The following KCNH5 variants were observed in gnomAD, a reference collection of about 807,000 sequenced individuals.
KCNH5 encodes potassium voltage-gated channel subfamily H member 5.
A neutral mutation model predicts 96.1 loss-of-function variants in KCNH5; 46 were observed. The ratio of observed to expected loss-of-function variants is 0.48; its 90% CI spans 0.38 to 0.61. KCNH5 has a LOEUF of 0.61. KCNH5 is among the 20% of genes least tolerant of loss of function. KCNH5 has a pLI of 0.00. For synonymous variants in KCNH5, 439 were observed against 449.8 expected (o/e 0.98, Z 0.30); for missense variants, 907 against 1,225.8 (o/e 0.74, Z 3.88).
chr14:62,793,199 T>G (rs1438490637), intron 9 of KCNH5, among the ~76,000 whole-genome samples: 2 of 151,752 alleles, frequency 1.3e-5, no homozygotes, highest in East Asian at 3.9e-4. Flanking sequence ...TTATGCTAGA[T>G]GAATTAAGTT....
intron 10 of KCNH5, among the ~76,000 whole-genome samples, chr14:62,747,021 G>A (rs1885390791): frequency 6.6e-6 from 1 of 152,232 alleles, no homozygotes; most frequent in African/African-American, 2.4e-5. Flanking sequence ...TTCAAATTTA[G>A]TTTGAGGCTG....
intron 6 of KCNH5, among the ~76,000 whole-genome samples, chr14:62,965,617 T>C (rs1045829731): frequency 6.6e-6 from 1 of 151,734 alleles, no homozygotes; most frequent in Non-Finnish European, 1.5e-5. Flanking sequence ...CTACACATAA[T>C]GGACTAAGAG....
chr14:62,922,501 G>C (rs1889398261), intron 7 of KCNH5, among the ~76,000 whole-genome samples: 1 of 151,912 alleles, frequency 6.6e-6, no homozygotes, highest in African/African-American at 2.4e-5. Flanking sequence ...CATGTTAAGT[G>C]TTGGTTGTAT....
chr14:62,751,663 G>T (rs1172251897), intron 10 of KCNH5, among the ~76,000 whole-genome samples: 1 of 152,214 alleles, frequency 6.6e-6, no homozygotes, highest in Admixed American at 6.5e-5. Flanking sequence ...AGCTTCCCTT[G>T]TTCAGGCCAA....
At chr14:62,827,339 T>C (rs1887247770) in intron 8 of KCNH5, among the ~76,000 whole-genome samples, 1 of 152,160 alleles carries the variant, frequency 6.6e-6, no homozygotes, top group Non-Finnish European at 1.5e-5. Flanking sequence ...TTGGTGCTTG[T>C]TAGAAACACA....
At chr14:63,021,618 T>C (rs1259661147) in intron 1 of KCNH5, among the ~76,000 whole-genome samples, 1 of 152,088 alleles carries the variant, frequency 6.6e-6, no homozygotes, top group Non-Finnish European at 1.5e-5. Context: ...ACAGAAGTTG[T>C]CTATTCTCAC....
chr14:62,846,805 TTTTTTTTTTTTTG>T (rs1487323331), intron 8 of KCNH5, among the ~76,000 whole-genome samples: 6 of 126,442 alleles, frequency 4.7e-5, no homozygotes, highest in African/African-American at 1.5e-4. Context: ...TTTTTTTTTT[TTTTTTTTTTTTTG>T]GAGACAGAGT....
chr14:62,727,100 T>C (rs1884943334), intron 10 of KCNH5, among the ~76,000 whole-genome samples: 1 of 152,094 alleles, frequency 6.6e-6, no homozygotes, highest in Non-Finnish European at 1.5e-5. Flanking sequence ...CAGAGTGGCT[T>C]GTGCCTATAA....
At chr14:62,981,690 G>A (rs1391169743) in intron 5 of KCNH5, among the ~76,000 whole-genome samples, 5 of 152,130 alleles carry the variant, frequency 3.3e-5, no homozygotes, top group Admixed American at 1.3e-4. Flanking sequence ...GCTGGACCCC[G>A]GCATCCCACT....
At chr14:62,739,507 C>T (rs1180596023) in intron 10 of KCNH5, among the ~76,000 whole-genome samples, 1 of 151,926 alleles carries the variant, frequency 6.6e-6, no homozygotes, top group Non-Finnish European at 1.5e-5. Flanking sequence ...ATTTTGAGGG[C>T]AATGCTACAG....
intron 7 of KCNH5, among the ~76,000 whole-genome samples, chr14:62,850,672 T>C (rs1887786243): frequency 6.6e-6 from 1 of 152,170 alleles, no homozygotes; most frequent in Admixed American, 6.6e-5. Context: ...CTATTAATGC[T>C]GACAGGATCC....
intron 6 of KCNH5, among the ~76,000 whole-genome samples, chr14:62,953,977 T>A (rs1003025029): frequency 6.6e-6 from 1 of 152,174 alleles, no homozygotes; most frequent in Non-Finnish European, 1.5e-5. Flanking sequence ...AATATTAATT[T>A]CCAAGTGTGA....
intron 6 of KCNH5, among the ~76,000 whole-genome samples, chr14:62,967,663 G>T (rs1390886545): frequency 6.6e-6 from 1 of 152,088 alleles, no homozygotes; most frequent in Non-Finnish European, 1.5e-5. Flanking sequence ...ATGAAGTAGG[G>T]ATGAACTCCA....
chr14:62,947,391 C>T (rs973745390), intron 7 of KCNH5, among the ~76,000 whole-genome samples: 3 of 152,086 alleles, frequency 2.0e-5, no homozygotes, highest in South Asian at 2.1e-4. Flanking sequence ...TGTATAAGGA[C>T]ATTTTCCTGC....
intron 10 of KCNH5, among the ~76,000 whole-genome samples, chr14:62,772,540 G>A (rs1452920397): frequency 6.6e-6 from 1 of 151,286 alleles, no homozygotes; most frequent in African/African-American, 2.4e-5. Flanking sequence ...AGGAGGCTGA[G>A]GCAGGAGAAT....
At chr14:62,991,280 A>T (rs371475127) in intron 4 of KCNH5, among the ~76,000 whole-genome samples, 27 of 152,174 alleles carry the variant, frequency 1.8e-4, no homozygotes, top group African/African-American at 6.0e-4. Flanking sequence ...AGCATAGCTT[A>T]TATGAAGGAA....
chr14:62,865,037 C>T (rs1052849568), intron 7 of KCNH5, among the ~76,000 whole-genome samples: 6 of 151,948 alleles, frequency 3.9e-5, no homozygotes, highest in Middle Eastern at 3.2e-3. Context: ...AGACTGAAAA[C>T]GAGATGGAAC....
chr14:62,967,898 A>G (rs1433854424), intron 6 of KCNH5, among the ~76,000 whole-genome samples: 1 of 152,232 alleles, frequency 6.6e-6, no homozygotes, highest in African/African-American at 2.4e-5. Context: ...GGAACAATTT[A>G]TCATGAATGA....
At chr14:62,766,760 T>A (rs973521359) in intron 10 of KCNH5, among the ~76,000 whole-genome samples, 1 of 152,098 alleles carries the variant, frequency 6.6e-6, no homozygotes, top group Non-Finnish European at 1.5e-5. Context: ...TAAGACCTAG[T>A]ATTTGATAGC....
Sources: gnomAD v4.1 joint callset for allele counts (sites outside exome capture counted in the v4.1 genomes callset) on GRCh38, gnomAD v4.1.1 for gene constraint, MANE v1.5 for transcripts, NCBI Gene and HGNC (gene_info 2026-07-23, HGNC 2026-07-21) for gene names.